Variants in DLL3 observed in about 807,000 individuals in gnomAD.
The protein encoded by DLL3 is delta like canonical Notch ligand 3, also known as delta-like protein 3.
Under a neutral mutation model 55.0 loss-of-function variants are expected in DLL3, and 49 were observed. The observed-to-expected ratio is 0.89, with a 90% CI of 0.71 to 1.13. DLL3 has a LOEUF of 1.13. Among genes scored for constraint, DLL3 ranks in the 50% most tolerant of loss-of-function variants. DLL3 has a pLI of 0.00. For missense variants in DLL3, 962 were observed against 875.5 expected, an observed-to-expected ratio of 1.10 and a Z score of -1.25; for synonymous variants, 421 against 385.2, an observed-to-expected ratio of 1.09 and a Z score of -1.09.
rs756788459 is a variant in DLL3 at position 39,507,415 on chromosome 19, C to T, written c.1470C>T (p.Arg490=). The T allele has an allele frequency of 4.4e-6, 7 of 1,589,694 alleles. No individual in the cohort carries two copies. The highest frequency in any genetic ancestry group is 4.6e-5 in the East Asian group (2 of 43,756). ...GCCTCAGGCCCGGGGACCCTCAGCGCTACCTTTTGCCTCCGGCTCTGGGAC... is the reference window on the plus strand; with the variant it reads ...GCCTCAGGCCCGGGGACCCTCAGCGTTACCTTTTGCCTCCGGCTCTGGGAC... ...PPGLRPGDPQ[R]YLLPPALGLL... Residue 490 remains arginine, a synonymous_variant, in exon 7 of 9, where the codon CGC becomes CGT. Coordinates refer to ENST00000356433, the MANE Select transcript of DLL3 (RefSeq NM_203486.3).
intron 3 of DLL3, 93 bp from the exon 4 acceptor site, chr19:39,502,722 G>A (rs753223980): frequency 2.8e-5 from 35 of 1,271,082 alleles, no homozygotes; most frequent in African/African-American, 6.2e-5. Context: ...TGGCCTCGCT[G>A]GGAGGGGCGG....
chr19:39,507,984 T>C (rs1188452515), intron 8 of DLL3, 70 bp downstream of exon 8: 1 of 1,613,958 alleles, frequency 6.2e-7, no homozygotes, highest in South Asian at 1.1e-5. Context: ...GCTTTTTCCC[T>C]ACCCTTCCTC....
chr19:39,507,415 C>G lies in DLL3; in HGVS notation c.1470C>G (p.Arg490=), dbSNP rs756788459. ...PPGLRPGDPQ[R]YLLPPALGLL... is the part of the protein sequence containing the mutation. ...GCCTCAGGCCCGGGGACCCTCAGCG[C>G]TACCTTTTGCCTCCGGCTCTGGGAC... The change falls in exon 7 of 9, where the codon CGC becomes CGG. Residue 490 remains arginine (R), a synonymous_variant. Coordinates refer to ENST00000356433, the MANE Select transcript of DLL3 (RefSeq NM_203486.3). 34 of 1,589,812 alleles carry G rather than the reference C, an allele frequency of 2.1e-5. No individual in the cohort carries two copies. In the East Asian group the frequency reaches 7.8e-4, roughly 36 times the overall value.
At position 39,503,067 on chromosome 19, in the gene DLL3, G is replaced by A; in HGVS notation, c.652+10G>A. ...GAATGTGAGGCGCCGCGTGAGTCCT[G>A]CGTTCGACCCCACCCCGTCCCAGCC... is the stretch of plus-strand genomic sequence containing the variant. On this transcript the variant is annotated intron_variant, in intron 4 of 8. Coordinates refer to ENST00000356433, the MANE Select transcript of DLL3 (RefSeq NM_203486.3). The A allele has an allele frequency of 2.0e-6, 3 of 1,522,504 alleles. No individual in the cohort carries two copies. Among genetic ancestry groups the A allele is most frequent in the Non-Finnish European group, 2.6e-6 (3 of 1,141,812 alleles). The allele number at this position is 1,522,504 out of a possible 1,614,324, so 94.3% of individuals were successfully genotyped here.
intron 3 of DLL3, among the ~76,000 whole-genome samples, chr19:39,502,416 C>T (rs1213051119): frequency 6.6e-6 from 1 of 151,856 alleles, no homozygotes. Context: ...GTGCGTGCCA[C>T]CACGCCTGGC....
At chr19:39,502,751 G>A in intron 3 of DLL3, 64 bp from the exon 4 acceptor site, 3 of 1,294,986 alleles carry the variant, frequency 2.3e-6, no homozygotes, top group Non-Finnish European at 2.9e-6. Flanking sequence ...CGGCCGGGGC[G>A]CTCCGTATGC....
At position 39,499,481 on chromosome 19, in the gene DLL3, C is replaced by T; in HGVS notation, c.351+8C>T. 6.3e-7 allele frequency: 1 copy of T among 1,585,756 alleles called. No homozygotes were observed. Among genetic ancestry groups the T allele is most frequent in the Non-Finnish European group, 8.5e-7 (1 of 1,173,756 alleles). On this transcript the variant is annotated splice_region_variant and intron_variant, in intron 2 of 8. Coordinates refer to ENST00000356433, the MANE Select transcript of DLL3 (RefSeq NM_203486.3). ...TTCCGGGACGCCTGGCCTGTAAGTGCTGCCCCCGGGGGACTCCCGGTGCTG... is the reference window on the plus strand; with the variant it reads ...TTCCGGGACGCCTGGCCTGTAAGTGTTGCCCCCGGGGGACTCCCGGTGCTG...
chr19:39,507,005 C>T (rs769460607), intron 6 of DLL3, 34 bp from the exon 7 acceptor site: 1 of 1,529,918 alleles, frequency 6.5e-7, no homozygotes, highest in African/African-American at 1.4e-5. Context: ...CCCCGGCTCC[C>T]GGACTGCGCC....
chr19:39,500,650 G>T lies in DLL3; in HGVS notation c.387G>T (p.Glu129Asp). ...CTTTCATCATCGAAACCTGGAGAGA[G>T]GAGTTAGGAGACCAGATTGGAGGTG... The part of the protein sequence containing the change: ...TFSFIIETWR[E>D]ELGDQIGGPA... The change falls in exon 3 of 9, where the codon GAG (glutamate) becomes GAT (aspartate). Residue 129 changes from glutamate to aspartate, a missense_variant. By Grantham distance (45) the Glu-to-Asp change is conservative. Coordinates refer to ENST00000356433, the MANE Select transcript of DLL3 (RefSeq NM_203486.3). The T allele has an allele frequency of 6.2e-7, 1 of 1,613,798 alleles. No homozygotes were observed. Among genetic ancestry groups the T allele is most frequent in the Non-Finnish European group, 8.5e-7 (1 of 1,179,784 alleles).
Position 39,508,291 on chromosome 19 carries a change from G to T in DLL3, c.*34G>T. 5 of 1,613,386 alleles carry T rather than the reference G, an allele frequency of 3.1e-6. No individual in the cohort carries two copies. The highest frequency in any genetic ancestry group is 4.2e-6 in the Non-Finnish European group (5 of 1,179,538). On this transcript the variant is annotated 3_prime_UTR_variant, in exon 9 of 9. Coordinates refer to ENST00000356433, the MANE Select transcript of DLL3 (RefSeq NM_203486.3). ...CTCCATCCGCACCTGGAGTCAGAGC[G>T]TGGATTTTTGTATTTGCTCGGTGGT... is the stretch of plus-strand genomic sequence containing the variant.
intron 2 of DLL3, 104 bp from the exon 3 acceptor site, chr19:39,500,511 C>T: frequency 9.4e-7 from 1 of 1,060,864 alleles, no homozygotes; most frequent in Non-Finnish European, 1.5e-6. Flanking sequence ...GCTCAGTCCC[C>T]AGCAATGGCC....
At position 39,505,934 on chromosome 19, in the gene DLL3, G is replaced by A. The variant is rs186619356; in HGVS notation, c.1093+483G>A. Among the ~76,000 whole-genome samples the A allele has an allele frequency of 3.8e-3, 578 of 152,158 alleles. 3 individuals carry two copies. The highest frequency in any genetic ancestry group is 0.013 in the African/African-American group (523 of 41,514). ...GGTGCTAAAAGATTAAATGCGGCCCGGCACGGCGACTCACGCCTGTAATTC... is the reference window on the plus strand; with the variant it reads ...GGTGCTAAAAGATTAAATGCGGCCCAGCACGGCGACTCACGCCTGTAATTC... On this transcript the variant is annotated intron_variant, in intron 6 of 8. Transcript: ENST00000356433.
intron 2 of DLL3, among the ~76,000 whole-genome samples, 196 bp from the exon 3 acceptor site, chr19:39,500,419 C>CT (rs1304632896): frequency 9.5e-6 from 1 of 104,898 alleles, no homozygotes; most frequent in African/African-American, 3.7e-5. Flanking sequence ...AAGTGAGATT[C>CT]TCCCCCCCCC....
rs1246380380 is a variant in DLL3 at position 39,504,063 on chromosome 19, C to T, written c.653-8C>T. 5.0e-6 allele frequency: 8 copies of T among 1,613,032 alleles called. No individual in the cohort carries two copies. The Admixed American group carries it at 1.0e-4, about 20-fold the overall frequency. On this transcript the variant is annotated splice_region_variant and splice_polypyrimidine_tract_variant and intron_variant, in intron 4 of 8. Coordinates refer to ENST00000356433, the MANE Select transcript of DLL3 (RefSeq NM_203486.3). ...TTCCCTTTCTCTCTGCCTCTCTGTCCCCCATAGTGGTGTGCCGAGCAGGCT... is the reference window on the plus strand; with the variant it reads ...TTCCCTTTCTCTCTGCCTCTCTGTCTCCCATAGTGGTGTGCCGAGCAGGCT...
chr19:39,499,413 C>G lies in DLL3; in HGVS notation c.291C>G (p.Pro97=), dbSNP rs375765151. The part of the protein sequence containing the change: ...GPVYTEQPGA[P]APDLPLPDGL... ...TCTACACCGAGCAGCCCGGAGCGCC[C>G]GCGCCTGATCTCCCACTGCCCGACG... The change falls in exon 2 of 9, where the codon CCC becomes CCG. Residue 97 remains proline (P), a synonymous_variant. Transcript: ENST00000356433. 50 of 1,587,098 alleles carry G rather than the reference C, an allele frequency of 3.2e-5. No individual in the cohort carries two copies. In the African/African-American group the frequency reaches 5.9e-4, roughly 19 times the overall value.
Position 39,507,596 on chromosome 19 carries a change from G to A in DLL3, c.1651G>A (p.Glu551Lys), listed in dbSNP as rs750062182. The change falls in exon 7 of 9, where the codon GAG becomes AAG. Residue 551 changes from glutamate (E) to lysine (K), a missense_variant. Glu to Lys is a moderately conservative substitution (Grantham distance 56). Transcript: ENST00000356433. Reference protein sequence around the residue: ...PDALNNLRTQEGSGDGPSSSV... With the variant: ...PDALNNLRTQKGSGDGPSSSV... ...TGCACTCAACAACCTAAGGACGCAG[G>A]AGGGTTCCGGGGATGGTCCGAGGTG... The A allele has an allele frequency of 3.7e-6, 6 of 1,608,680 alleles. No homozygotes were observed. In the South Asian group the frequency reaches 5.5e-5, roughly 15 times the overall value.
At position 39,507,430 on chromosome 19, in the gene DLL3, G is replaced by T. The variant is rs904007539; in HGVS notation, c.1485G>T (p.Pro495=). The T allele has an allele frequency of 2.5e-6, 4 of 1,593,762 alleles. No homozygotes were observed. The highest frequency in any genetic ancestry group is 3.4e-6 in the Non-Finnish European group (4 of 1,171,684). The part of the protein sequence containing the change: ...PGDPQRYLLP[P]ALGLLVAAGV... Reference sequence around the variant, plus strand: ...ACCCTCAGCGCTACCTTTTGCCTCCGGCTCTGGGACTGCTCGTGGCCGCGG... The same window carrying T: ...ACCCTCAGCGCTACCTTTTGCCTCCTGCTCTGGGACTGCTCGTGGCCGCGG... The change falls in exon 7 of 9, where the codon CCG becomes CCT. Residue 495 remains proline (P), a synonymous_variant. Transcript: ENST00000356433.
At chr19:39,503,182 C>T (rs1211169194) in intron 4 of DLL3, 125 bp downstream of exon 4, 4 of 1,026,844 alleles carry the variant, frequency 3.9e-6, no homozygotes, top group Non-Finnish European at 4.0e-6. Context: ...TAGAGTCCCC[C>T]ACCATGTACC....
chr19:39,499,095 G>A, intron 1 of DLL3, 52 bp downstream of exon 1: 1 of 1,613,690 alleles, frequency 6.2e-7, no homozygotes, highest in South Asian at 1.1e-5. Context: ...GGAGGGGAGG[G>A]GTGAGTGCGA....
Sources: gnomAD v4.1 joint callset for allele counts (sites outside exome capture counted in the v4.1 genomes callset) on GRCh38, gnomAD v4.1.1 for gene constraint, MANE v1.5 for transcripts, NCBI Gene and HGNC (gene_info 2026-07-23, HGNC 2026-07-21) for gene names.